The following INPP4B variants were observed in gnomAD, a reference collection of about 807,000 sequenced individuals.
INPP4B encodes inositol polyphosphate-4-phosphatase type II B.
Under a neutral mutation model 122.5 loss-of-function variants are expected in INPP4B, and 55 were observed. The ratio of observed to expected loss-of-function variants is 0.45; its 90% CI spans 0.36 to 0.56. The LOEUF is 0.56. Among genes scored for constraint, INPP4B ranks in the 20% least tolerant of loss-of-function variants. INPP4B has a pLI of 0.00. For synonymous variants in INPP4B, 403 were observed against 388.7 expected, an observed-to-expected ratio of 1.04 and a Z score of -0.43; for missense variants, 1,000 against 1,097.7, an observed-to-expected ratio of 0.91 and a Z score of 1.26.
chr4:142,593,937 C>T (rs1308612223), intron 2 of INPP4B, among the ~76,000 whole-genome samples: 1 of 151,928 alleles, frequency 6.6e-6, no homozygotes, highest in Non-Finnish European at 1.5e-5. Context: ...TGTTTTATTG[C>T]TTATTATATC....
intron 8 of INPP4B, among the ~76,000 whole-genome samples, chr4:142,307,452 C>A (rs1467964785): frequency 6.6e-6 from 1 of 152,168 alleles, no homozygotes; most frequent in Non-Finnish European, 1.5e-5. Context: ...GATAACCCCC[C>A]ACTGCATAGC....
intron 2 of INPP4B, among the ~76,000 whole-genome samples, chr4:142,700,117 A>G (rs1761528345): frequency 2.0e-5 from 3 of 151,990 alleles, no homozygotes; most frequent in African/African-American, 7.3e-5. Flanking sequence ...TTCTTCTCCA[A>G]TCCTTTCTTG....
intron 2 of INPP4B, among the ~76,000 whole-genome samples, chr4:142,711,263 A>G (rs905007236): frequency 1.3e-5 from 2 of 152,142 alleles, no homozygotes; most frequent in Non-Finnish European, 2.9e-5. Context: ...CTATTTAAAT[A>G]TATAACTCCA....
chr4:142,650,871 C>G (rs1356462077), intron 2 of INPP4B, among the ~76,000 whole-genome samples: 2 of 152,146 alleles, frequency 1.3e-5, no homozygotes, highest in African/African-American at 4.8e-5. Context: ...TCAAGCGGAC[C>G]TAATAGACAT....
chr4:142,670,646 G>A lies in INPP4B; in HGVS notation c.-191+55193C>T, dbSNP rs552944906. Among the ~76,000 whole-genome samples the A allele has an allele frequency of 2.0e-4, 30 of 152,198 alleles. No homozygotes were observed. The South Asian group carries it at 4.4e-3, about 22-fold the overall frequency. On this transcript the variant is annotated intron_variant, in intron 2 of 25. Transcript: ENST00000262992. ...TAGAATGGTGACTATCAAGGGCTGC[G>A]GTGGTTTGGGGCTGGGATTGGGAAG...
At chr4:142,210,712 A>G (rs895298296) in intron 12 of INPP4B, among the ~76,000 whole-genome samples, 1 of 152,222 alleles carries the variant, frequency 6.6e-6, no homozygotes, top group Non-Finnish European at 1.5e-5. Context: ...ATACAGTTAT[A>G]ATGAAAATAT....
At chr4:142,707,823 G>C (rs564027938) in intron 2 of INPP4B, among the ~76,000 whole-genome samples, 2 of 152,324 alleles carry the variant, frequency 1.3e-5, no homozygotes, top group East Asian at 3.9e-4. Flanking sequence ...TGAAAATGTG[G>C]AAGCACCTTT....
chr4:142,043,106 G>T (rs2152342735), intron 25 of INPP4B, among the ~76,000 whole-genome samples: 1 of 152,190 alleles, frequency 6.6e-6, no homozygotes, highest in South Asian at 2.1e-4. Context: ...CTCCCCAAAA[G>T]GATAGGGTCT....
intron 7 of INPP4B, among the ~76,000 whole-genome samples, chr4:142,322,263 C>A (rs1417987434): frequency 1.3e-5 from 2 of 151,890 alleles, no homozygotes; most frequent in African/African-American, 4.8e-5. Context: ...CTTAGAGATG[C>A]AAGGAATCTC....
intron 2 of INPP4B, among the ~76,000 whole-genome samples, chr4:142,607,656 G>A (rs1441812205): frequency 3.3e-5 from 5 of 152,098 alleles, no homozygotes; most frequent in Admixed American, 2.0e-4. Flanking sequence ...TTAATGCTCT[G>A]TGTACAGATT....
chr4:142,265,149 C>G (rs72939289), intron 10 of INPP4B, among the ~76,000 whole-genome samples: 2 of 152,122 alleles, frequency 1.3e-5, no homozygotes, highest in Non-Finnish European at 2.9e-5. Flanking sequence ...CTTCCAGAAC[C>G]GTGAGAAAAT....
At chr4:142,405,118 T>TTGGG in intron 6 of INPP4B, 88 bp downstream of exon 6, 4 of 531,514 alleles carry the variant, frequency 7.5e-6, no homozygotes, top group South Asian at 1.9e-5. Flanking sequence ...GGGGCGGGGG[T>TTGGG]GGGGGGGAGG....
chr4:142,103,145 A>G (rs1785282945), intron 23 of INPP4B, among the ~76,000 whole-genome samples: 1 of 152,058 alleles, frequency 6.6e-6, no homozygotes, highest in African/African-American at 2.4e-5. Flanking sequence ...ATCAAATCCA[A>G]TAGCTTCACT....
intron 2 of INPP4B, among the ~76,000 whole-genome samples, chr4:142,625,445 AAGG>A (rs1485327448): frequency 2.0e-5 from 3 of 152,188 alleles, no homozygotes; most frequent in Admixed American, 6.5e-5. Flanking sequence ...GGACCTCTTC[AAGG>A]AGAACTACAA....
intron 23 of INPP4B, among the ~76,000 whole-genome samples, chr4:142,105,981 T>C (rs1428140896): frequency 6.6e-6 from 1 of 152,196 alleles, no homozygotes; most frequent in Non-Finnish European, 1.5e-5. Context: ...GCTTGCAATA[T>C]GTCTACAGGA....
chr4:142,515,461 A>C (rs954198830), intron 2 of INPP4B, among the ~76,000 whole-genome samples: 2 of 152,196 alleles, frequency 1.3e-5, no homozygotes, highest in Admixed American at 1.3e-4. Flanking sequence ...ACTAACACAA[A>C]TATTTTCAGA....
chr4:142,350,250 C>CA (rs1010105015), intron 7 of INPP4B, among the ~76,000 whole-genome samples: 12 of 151,722 alleles, frequency 7.9e-5, no homozygotes, highest in African/African-American at 2.4e-4. Flanking sequence ...TTTATTTGAG[C>CA]AAAAAAATAG....
At chr4:142,342,227 T>TGG (rs1778929239) in intron 7 of INPP4B, among the ~76,000 whole-genome samples, 1 of 152,134 alleles carries the variant, frequency 6.6e-6, no homozygotes, top group African/African-American at 2.4e-5. Context: ...AGTAATTGTA[T>TGG]TACAGTACAC....
chr4:142,574,192 T>C (rs1163476751), intron 2 of INPP4B, among the ~76,000 whole-genome samples: 1 of 152,062 alleles, frequency 6.6e-6, no homozygotes, highest in Non-Finnish European at 1.5e-5. Flanking sequence ...TCCAGCTAAG[T>C]TTTCCACTCC....
Sources: gnomAD v4.1 joint callset for allele counts (sites outside exome capture counted in the v4.1 genomes callset) on GRCh38, gnomAD v4.1.1 for gene constraint, MANE v1.5 for transcripts, NCBI Gene and HGNC (gene_info 2026-07-23, HGNC 2026-07-21) for gene names.